The following PTPN13 variants were observed in gnomAD, a reference collection of about 807,000 sequenced individuals.
The protein encoded by PTPN13 is tyrosine-protein phosphatase non-receptor type 13.
PTPN13 carries 191 observed loss-of-function variants against 284.0 expected under a neutral mutation model. That is an observed-to-expected ratio of 0.67 (90% CI 0.60 to 0.76). PTPN13 has a LOEUF of 0.76. Ranked by LOEUF, PTPN13 falls within the 30% of genes least tolerant of loss-of-function variation. The pLI is 0.00. For missense variants in PTPN13, 2,797 were observed against 2,939.9 expected (o/e 0.95, Z 1.12); for synonymous variants, 986 against 1,022.3 (o/e 0.96, Z 0.68).
At chr4:86,643,708 C>G (rs1724083710) in intron 2 of PTPN13, among the ~76,000 whole-genome samples, 1 of 152,122 alleles carries the variant, frequency 6.6e-6, no homozygotes, top group South Asian at 2.1e-4. Flanking sequence ...GAATCAAACT[C>G]TTAGAGCTGA....
At chr4:86,648,090 A>AT (rs1724644904) in intron 2 of PTPN13, among the ~76,000 whole-genome samples, 4 of 152,252 alleles carry the variant, frequency 2.6e-5, no homozygotes, top group African/African-American at 9.6e-5. Flanking sequence ...TATCATTTTT[A>AT]TTTTTAATTA....
intron 1 of PTPN13, among the ~76,000 whole-genome samples, chr4:86,596,064 C>A (rs1763742810): frequency 1.3e-5 from 2 of 152,140 alleles, no homozygotes; most frequent in African/African-American, 4.8e-5. Flanking sequence ...TACAGAGGCG[C>A]ACTGACTGAC....
At chr4:86,765,078 CTG>C (rs1176195873) in intron 25 of PTPN13, among the ~76,000 whole-genome samples, 1 of 152,134 alleles carries the variant, frequency 6.6e-6, no homozygotes, top group Non-Finnish European at 1.5e-5. Context: ...TAATTAAAGA[CTG>C]TATATTTCTG....
intron 15 of PTPN13, among the ~76,000 whole-genome samples, chr4:86,737,601 C>G (rs1406148634): frequency 6.6e-6 from 1 of 151,782 alleles, no homozygotes; most frequent in East Asian, 1.9e-4. Context: ...TAGTCAGTCC[C>G]CTCCCCCTAC....
At chr4:86,694,257 G>A (rs1243556294) in intron 6 of PTPN13, among the ~76,000 whole-genome samples, 1 of 151,894 alleles carries the variant, frequency 6.6e-6, no homozygotes, top group East Asian at 1.9e-4. Flanking sequence ...CCTATGATAA[G>A]TATTAAATTT....
chr4:86,637,199 C>G (rs1272617681), intron 2 of PTPN13, among the ~76,000 whole-genome samples: 1 of 151,936 alleles, frequency 6.6e-6, no homozygotes, highest in Non-Finnish European at 1.5e-5. Flanking sequence ...AGCTTACCAA[C>G]CAAAAAGAGT....
chr4:86,720,833 G>A (rs1733570587), intron 9 of PTPN13, among the ~76,000 whole-genome samples: 1 of 152,124 alleles, frequency 6.6e-6, no homozygotes, highest in South Asian at 2.1e-4. Flanking sequence ...TAGTGGGATG[G>A]GGGGAGATTA....
At chr4:86,790,544 C>T (rs573957735) in intron 40 of PTPN13, among the ~76,000 whole-genome samples, 2 of 152,298 alleles carry the variant, frequency 1.3e-5, no homozygotes, top group African/African-American at 4.8e-5. Flanking sequence ...GTGCCACACA[C>T]ACACACACAC....
chr4:86,808,265 T>G (rs9999866), intron 45 of PTPN13, among the ~76,000 whole-genome samples: 14,477 of 152,280 alleles, frequency 0.095, 799 homozygotes, highest in Non-Finnish European at 0.11. Context: ...TTTAAAATCT[T>G]TAAGTAGAAA....
intron 2 of PTPN13, among the ~76,000 whole-genome samples, chr4:86,652,955 C>T (rs1363408977): frequency 2.6e-5 from 4 of 151,532 alleles, no homozygotes; most frequent in African/African-American, 7.3e-5. Flanking sequence ...ATTTTTCCCC[C>T]GACTGTGTAT....
intron 7 of PTPN13, among the ~76,000 whole-genome samples, chr4:86,713,994 T>G (rs923090468): frequency 2.2e-4 from 34 of 152,052 alleles, no homozygotes; most frequent in South Asian, 2.1e-4. Context: ...TCACCCACCT[T>G]GATTCTCTAC....
intron 7 of PTPN13, among the ~76,000 whole-genome samples, chr4:86,708,920 C>T (rs540680727): frequency 1.3e-5 from 2 of 151,866 alleles, no homozygotes; most frequent in South Asian, 2.1e-4. Context: ...ATCATTCTCT[C>T]CCTTTCTCCC....
At chr4:86,641,560 A>G (rs757959419) in intron 2 of PTPN13, among the ~76,000 whole-genome samples, 3 of 152,242 alleles carry the variant, frequency 2.0e-5, no homozygotes, top group Admixed American at 6.5e-5. Context: ...TATTATTCAT[A>G]GGATAATGAT....
chr4:86,666,272 G>A (rs1040566959), intron 2 of PTPN13, among the ~76,000 whole-genome samples: 11 of 151,244 alleles, frequency 7.3e-5, no homozygotes, highest in South Asian at 2.1e-4. Context: ...TTGAAGCAGC[G>A]TCATTGTCTG....
chr4:86,721,528 G>A (rs755405677), intron 9 of PTPN13, among the ~76,000 whole-genome samples: 5 of 152,082 alleles, frequency 3.3e-5, no homozygotes, highest in South Asian at 2.1e-4. Flanking sequence ...TAGGGAGAAC[G>A]GGGAGTAATG....
Position 86,799,151 on chromosome 4 carries a change from G to A in PTPN13, c.6452G>A (p.Trp2151Ter), listed in dbSNP as rs774003305. 3 of 1,595,140 alleles carry A rather than the reference G, an allele frequency of 1.9e-6. No individual in the cohort carries two copies. Among genetic ancestry groups the A allele is most frequent in the Non-Finnish European group, 2.6e-6 (3 of 1,171,594 alleles). ...EKKTDDDEIT[W>*]GNDELPIERT... ...AAGACTGATGATGATGAAATAACATGGGGAAATGATGAGTTGCCAATAGAG... is the reference window on the plus strand; with the variant it reads ...AAGACTGATGATGATGAAATAACATAGGGAAATGATGAGTTGCCAATAGAG... Residue 2151 changes from tryptophan (W) to a stop codon, truncating the protein, a stop_gained, in exon 42 of 48, where the codon TGG (tryptophan) becomes TAG (stop). Transcript: ENST00000411767. LOFTEE classifies it high-confidence loss of function.
chr4:86,741,533 G>C, intron 15 of PTPN13, 101 bp from the exon 16 acceptor site: 1 of 1,035,854 alleles, frequency 9.7e-7, no homozygotes, highest in African/African-American at 1.6e-5. Context: ...TTCAAGATGA[G>C]ATTTGTGGGG....
intron 2 of PTPN13, among the ~76,000 whole-genome samples, chr4:86,637,309 A>T (rs1723141366): frequency 6.6e-6 from 1 of 152,116 alleles, no homozygotes; most frequent in Non-Finnish European, 1.5e-5. Flanking sequence ...AAAAGAGGGA[A>T]TCCTCCCTAA....
At chr4:86,711,036 G>T (rs147670352) in intron 7 of PTPN13, among the ~76,000 whole-genome samples, 1 of 147,756 alleles carries the variant, frequency 6.8e-6, no homozygotes, top group Non-Finnish European at 1.5e-5. Context: ...CAATTCTCTC[G>T]CCTCAGCCTC....
Sources: gnomAD v4.1 joint callset for allele counts (sites outside exome capture counted in the v4.1 genomes callset) on GRCh38, gnomAD v4.1.1 for gene constraint, MANE v1.5 for transcripts, NCBI Gene and HGNC (gene_info 2026-07-23, HGNC 2026-07-21) for gene names.